Variants in TNS1 observed in about 807,000 individuals in gnomAD.
TNS1 encodes the protein tensin 1, also known as tensin-1.
In TNS1, 62 loss-of-function variants were observed where a neutral mutation model predicts 168.6. The observed-to-expected ratio is 0.37, with a 90% CI of 0.30 to 0.45. The LOEUF is 0.45. Among genes scored for constraint, TNS1 ranks in the 20% least tolerant of loss-of-function variants. The pLI, the probability that TNS1 is intolerant of heterozygous loss-of-function variation, is 1.00. For missense variants in TNS1, 2,240 were observed against 2,339.4 expected (o/e 0.96, Z 0.88); for synonymous variants, 934 against 933.2 (o/e 1.00, Z -0.02).
rs781396561 is a variant in TNS1, at chr2:217,813,175, C to T, written c.4954+40G>A. ...AGGAACCCAGGACAGGACCAAGACT[C>T]AGGCCAGACTGTAGAGATGGGGGCA... On this transcript the variant is annotated intron_variant, in intron 27 of 32. Transcript: ENST00000682258. This position sits in a 1 kb window ranked among gnomAD's most constrained non-coding sequence, Gnocchi z 4.0. 11 of 1,508,338 alleles carry T rather than the reference C, an allele frequency of 7.3e-6. No individual in the cohort carries two copies. The East Asian group carries it at 2.3e-4, about 32-fold the overall frequency. The allele number at this position is 1,508,338 out of a possible 1,614,324, so 93.4% of individuals were successfully genotyped here. A position where few individuals can be genotyped will look rare whatever the true frequency, so the allele number is the denominator to read the frequency against.
At position 217,836,122 on chromosome 2, in the gene TNS1, G is replaced by A; in HGVS notation, c.3097C>T (p.Pro1033Ser). 6.2e-7 allele frequency: 1 copy of A among 1,614,134 alleles called. No homozygotes were observed. Among genetic ancestry groups the A allele is most frequent in the South Asian group, 1.1e-5 (1 of 91,078 alleles). ...ASDGQYENQSPEATSPRSPGV... is the reference protein window; with the variant it reads ...ASDGQYENQSSEATSPRSPGV... ...GGGCTACGAGGGGATGTGGCTTCTGGAGACTGGTTCTCATACTGTCCATCA... is the reference window on the plus strand; with the variant it reads ...GGGCTACGAGGGGATGTGGCTTCTGAAGACTGGTTCTCATACTGTCCATCA... Residue 1033 changes from proline to serine, a missense_variant, in exon 20 of 33, where the codon CCA (proline) becomes TCA (serine). By Grantham distance (74) the Pro-to-Ser change is moderately conservative. Coordinates refer to ENST00000682258, the MANE Select transcript of TNS1 (RefSeq NM_001387777.1).
At chr2:218,027,526 CT>C (rs912892732) in intron 1 of TNS1, among the ~76,000 whole-genome samples, 7 of 152,004 alleles carry the variant, frequency 4.6e-5, no homozygotes, top group Non-Finnish European at 1.0e-4. Context: ...GTGTCGCCTC[CT>C]CTGGGAGGGC....
intron 3 of TNS1, among the ~76,000 whole-genome samples, chr2:217,936,139 T>C (rs1289992173): frequency 6.6e-6 from 1 of 152,224 alleles, no homozygotes; most frequent in Non-Finnish European, 1.5e-5. Flanking sequence ...AGGCTGGGCA[T>C]GGCTGCCTCC....
chr2:217,828,564 C>T (rs962577976), intron 22 of TNS1, among the ~76,000 whole-genome samples: 8 of 152,200 alleles, frequency 5.3e-5, no homozygotes, highest in African/African-American at 1.4e-4. Flanking sequence ...CCCTGGCCTC[C>T]CGCCCAGGCT....
chr2:217,939,930 C>G (rs1292941127), intron 3 of TNS1, among the ~76,000 whole-genome samples: 4 of 152,204 alleles, frequency 2.6e-5, no homozygotes, highest in Admixed American at 6.5e-5. Context: ...TGCACTGGGG[C>G]TCTCTAGCGT....
At chr2:217,917,447 T>C (rs1955149556) in intron 4 of TNS1, among the ~76,000 whole-genome samples, 1 of 152,000 alleles carries the variant, frequency 6.6e-6, no homozygotes, top group Non-Finnish European at 1.5e-5. Flanking sequence ...AAATGCATAG[T>C]GTATCGGGGC....
intron 9 of TNS1, among the ~76,000 whole-genome samples, chr2:217,894,597 T>C (rs370408133): frequency 1.8e-4 from 28 of 152,092 alleles, no homozygotes; most frequent in African/African-American, 6.8e-4. Context: ...GTGGAGGTTG[T>C]AGTGAGCTGA....
chr2:217,959,462 C>T (rs1458215307), intron 3 of TNS1, among the ~76,000 whole-genome samples: 1 of 150,952 alleles, frequency 6.6e-6, no homozygotes, highest in South Asian at 2.1e-4. Context: ...AGTATGGAAA[C>T]TTAGCATGGA....
At chr2:217,959,861 C>G (rs1957454607) in intron 3 of TNS1, among the ~76,000 whole-genome samples, 1 of 151,304 alleles carries the variant, frequency 6.6e-6, no homozygotes. Flanking sequence ...TCTAGCCTCT[C>G]CAGGAATGCG....
chr2:217,982,859 G>T (rs558495551), intron 2 of TNS1, among the ~76,000 whole-genome samples: 1 of 152,204 alleles, frequency 6.6e-6, no homozygotes, highest in African/African-American at 2.4e-5. Flanking sequence ...CTTGCTGCTT[G>T]GTGCCTGCAA....
chr2:217,998,836 G>A (rs1048607019), intron 1 of TNS1, among the ~76,000 whole-genome samples: 3 of 152,052 alleles, frequency 2.0e-5, no homozygotes, highest in East Asian at 3.9e-4. Context: ...TTCACCTCCC[G>A]AGGAGTCTTT....
chr2:217,848,790 C>G lies in TNS1; in HGVS notation c.1727G>C (p.Arg576Pro), dbSNP rs578261466. The change falls in exon 19 of 33, where the codon CGA becomes CCA. Residue 576 changes from arginine to proline, a missense_variant. Physicochemically the swap from Arg to Pro is moderately radical, Grantham distance 103 (BLOSUM62 -2). Transcript: ENST00000682258. The part of the protein sequence containing the change: ...DRLLSGFGLE[R>P]EKQGAMYHTQ... Reference sequence around the variant, plus strand: ...GTGGTACATGGCGCCTTGCTTCTCTCGCTCTAAGCCAAAGCCACTCAGCAG... The same window carrying G: ...GTGGTACATGGCGCCTTGCTTCTCTGGCTCTAAGCCAAAGCCACTCAGCAG... The G allele has an allele frequency of 6.2e-7, 1 of 1,614,128 alleles. No individual in the cohort carries two copies. Among genetic ancestry groups the G allele is most frequent in the South Asian group, 1.1e-5 (1 of 91,084 alleles).
chr2:217,987,322 GT>G (rs1403540079), intron 2 of TNS1, among the ~76,000 whole-genome samples: 2 of 152,080 alleles, frequency 1.3e-5, no homozygotes, highest in African/African-American at 4.8e-5. Context: ...GTTCACAGGA[GT>G]TCACAGGTCC....
chr2:218,000,439 C>T (rs1958541438), intron 1 of TNS1, among the ~76,000 whole-genome samples: 1 of 152,210 alleles, frequency 6.6e-6, no homozygotes, highest in Admixed American at 6.5e-5. Flanking sequence ...GGAGATCCTC[C>T]CCCAGCATCA....
At chr2:218,023,590 G>C (rs1396436333) in intron 1 of TNS1, among the ~76,000 whole-genome samples, 4 of 152,140 alleles carry the variant, frequency 2.6e-5, no homozygotes, top group Non-Finnish European at 5.9e-5. Context: ...GAAAGAAACT[G>C]ATGTTTCTTG....
At chr2:217,954,200 C>G (rs889718027) in intron 3 of TNS1, among the ~76,000 whole-genome samples, 2 of 152,206 alleles carry the variant, frequency 1.3e-5, no homozygotes, top group African/African-American at 2.4e-5. Context: ...GAGCCAGGGG[C>G]TGGGCTCCTA....
chr2:217,967,260 G>T (rs958236350), intron 3 of TNS1, among the ~76,000 whole-genome samples: 2 of 152,200 alleles, frequency 1.3e-5, no homozygotes, highest in East Asian at 3.9e-4. Flanking sequence ...GGCGGAGCTT[G>T]CAGTGAGCCG....
rs1006110002 is a variant in TNS1, at chr2:217,830,441, C to T, written c.3373+1014G>A. 3.7e-6 allele frequency: 6 copies of T among 1,604,122 alleles called. No individual in the cohort carries two copies. The African/African-American group carries it at 8.0e-5, about 21-fold the overall frequency. On this transcript the variant is annotated intron_variant, in intron 22 of 32. Transcript: ENST00000682258. Reference sequence around the variant, plus strand: ...CAATAGCCCCCACCCAGCCCTAAAACCAGAGTCCAGGGAGCAGCTTTCTGA... The same window carrying T: ...CAATAGCCCCCACCCAGCCCTAAAATCAGAGTCCAGGGAGCAGCTTTCTGA...
At chr2:217,930,986 G>T (rs1956290398) in intron 3 of TNS1, among the ~76,000 whole-genome samples, 1 of 152,098 alleles carries the variant, frequency 6.6e-6, no homozygotes, top group South Asian at 2.1e-4. Flanking sequence ...TAGTGGAACT[G>T]GTGTGAAAGG....
Sources: gnomAD v4.1 joint callset for allele counts (sites outside exome capture counted in the v4.1 genomes callset) on GRCh38, gnomAD v4.1.1 for gene constraint, Gnocchi (gnomAD v3.1) non-coding constraint, MANE v1.5 for transcripts, NCBI Gene and HGNC (gene_info 2026-07-23, HGNC 2026-07-21) for gene names.